Variants in DPEP1 observed in about 807,000 individuals in gnomAD.
DPEP1 encodes the protein beta-lactamase.
A neutral mutation model predicts 42.3 loss-of-function variants in DPEP1; 50 were observed. The observed-to-expected ratio is 1.18, with a 90% CI of 0.94 to 1.50. DPEP1 has a LOEUF of 1.50. Ranked by LOEUF, DPEP1 falls within the 40% of genes most tolerant of loss-of-function variation. The pLI, the probability that DPEP1 is intolerant of heterozygous loss-of-function variation, is 0.00. For synonymous variants in DPEP1, 297 were observed against 234.0 expected (o/e 1.27, Z -2.46); for missense variants, 663 against 553.0 (o/e 1.20, Z -1.99).
chr16:89,629,374 C>T (rs1267154692), intron 1 of DPEP1, among the ~76,000 whole-genome samples: 3 of 152,134 alleles, frequency 2.0e-5, no homozygotes, highest in African/African-American at 4.8e-5. Context: ...TGGTGGTGCA[C>T]GCCTGTGGTC....
At chr16:89,622,346 G>A (rs1013942835) in intron 1 of DPEP1, among the ~76,000 whole-genome samples, 18 of 152,124 alleles carry the variant, frequency 1.2e-4, no homozygotes, top group Non-Finnish European at 1.5e-4. Context: ...AACCAGAACC[G>A]GTGGAAGAAA....
chr16:89,621,634 C>T (rs1192261969), intron 1 of DPEP1, among the ~76,000 whole-genome samples: 1 of 152,348 alleles, frequency 6.6e-6, no homozygotes, highest in East Asian at 1.9e-4. Flanking sequence ...AGATGGGCCC[C>T]ACGCTGAGTG....
chr16:89,634,610 TC>T lies in DPEP1; in HGVS notation c.105-1294del, dbSNP rs772205397. ...CTTCTCCTTTCCCTTCCTTCTCCTT[TC>T]CCCTTCCTTCTCCTTTCCCTTCCTT... is the stretch of plus-strand genomic sequence containing the variant. On this transcript the variant is annotated intron_variant, in intron 2 of 10. Transcript: ENST00000690203. Among the ~76,000 whole-genome samples, 42 of 26,852 alleles carry T rather than the reference TC, an allele frequency of 1.6e-3. 1 individual carries two copies. The highest frequency in any genetic ancestry group is 6.6e-3 in the African/African-American group (38 of 5,754). 17.6% of individuals were successfully genotyped at this position (26,852 alleles called of 152,430 possible).
downstream of DPEP1, among the ~76,000 whole-genome samples, chr16:89,638,966 G>C (rs1261166946): frequency 3.4e-4 from 3 of 8,880 alleles, no homozygotes; most frequent in Non-Finnish European, 5.7e-4. Flanking sequence ...CACACACACC[G>C]CACCCCTGCA....
Position 89,631,744 on chromosome 16 carries a change from A to C in DPEP1, c.104+1230A>C, listed in dbSNP as rs867626051. 2.6e-5 allele frequency among the ~76,000 whole-genome samples: 4 copies of C among 152,202 alleles called. No individual in the cohort carries two copies. The Middle Eastern group carries it at 0.014, about 518-fold the overall frequency. ...TGGTGGCGCATGCCTGTAGTCCCAG[A>C]TACTCAGGAGGCTGAGGCAGGAGAA... On this transcript the variant is annotated intron_variant, in intron 2 of 10. Transcript: ENST00000690203.
Position 89,636,578 on chromosome 16 carries a change from G to A in DPEP1, c.416G>A (p.Gly139Asp). Reference protein sequence around the residue: ...FREGKVASLIGVEGGHSIDSS... With the variant: ...FREGKVASLIDVEGGHSIDSS... ...GAAGGGAAGGTGGCCAGCCTGATCG[G>A]CGTGGAGGGCGGCCACTCCATTGAC... The change falls in exon 5 of 11, where the codon GGC becomes GAC. Residue 139 changes from glycine (G) to aspartate (D), a missense_variant. By Grantham distance (94) the Gly-to-Asp change is moderately conservative (BLOSUM62 -1). Transcript: ENST00000690203. 1 of 1,612,470 alleles carries A rather than the reference G, an allele frequency of 6.2e-7. No individual in the cohort carries two copies. Among genetic ancestry groups the A allele is most frequent in the Admixed American group, 1.7e-5 (1 of 60,024 alleles).
At chr16:89,634,111 G>T (rs538471760) in intron 2 of DPEP1, among the ~76,000 whole-genome samples, 1 of 50,586 alleles carries the variant, frequency 2.0e-5, no homozygotes, top group Non-Finnish European at 6.0e-5. Context: ...TTTTTTTGGA[G>T]GGAGTCTCGC....
Position 89,636,652 on chromosome 16 carries a change from C to A in DPEP1, c.490C>A (p.Leu164Met). The part of the protein sequence containing the change: ...RALYQLGMRY[L>M]TLTHSCNTPW... ...ACTCTATCAGCTGGGCATGCGGTACCTGACCCTCACCCACAGCTGCAACAC... is the reference window on the plus strand; with the variant it reads ...ACTCTATCAGCTGGGCATGCGGTACATGACCCTCACCCACAGCTGCAACAC... Residue 164 changes from leucine (L) to methionine (M), a missense_variant, in exon 5 of 11, where the codon CTG (leucine) becomes ATG (methionine). Leu to Met is a conservative substitution (Grantham distance 15). Transcript: ENST00000690203. 1.2e-6 allele frequency: 2 copies of A among 1,612,574 alleles called. No homozygotes were observed. Among genetic ancestry groups the A allele is most frequent in the Non-Finnish European group, 1.7e-6 (2 of 1,179,938 alleles).
chr16:89,636,067 C>A (rs369033373), intron 3 of DPEP1, 27 bp downstream of exon 3: 1 of 1,592,512 alleles, frequency 6.3e-7, no homozygotes, highest in African/African-American at 1.3e-5. Flanking sequence ...CTTGTGCTTG[C>A]CCTGTGTGGG....
intron 1 of DPEP1, among the ~76,000 whole-genome samples, chr16:89,623,640 G>A (rs373414064): frequency 1.7e-4 from 26 of 152,092 alleles, no homozygotes; most frequent in East Asian, 1.3e-3. Flanking sequence ...ACCGCCCTCC[G>A]GAGACCAGAC....
chr16:89,639,849 C>G (rs2059730770), downstream of DPEP1, among the ~76,000 whole-genome samples: 1 of 152,150 alleles, frequency 6.6e-6, no homozygotes, highest in African/African-American at 2.4e-5. Context: ...CCACACCCAG[C>G]TAATTTTAGT....
intron 2 of DPEP1, among the ~76,000 whole-genome samples, chr16:89,635,309 G>A (rs1274200573): frequency 6.6e-6 from 1 of 151,982 alleles, no homozygotes; most frequent in African/African-American, 2.4e-5. Flanking sequence ...TCCTTTGGAA[G>A]TTTAGAAGGA....
At chr16:89,621,517 C>T (rs1234221439) in intron 1 of DPEP1, among the ~76,000 whole-genome samples, 1 of 152,210 alleles carries the variant, frequency 6.6e-6, no homozygotes, top group Non-Finnish European at 1.5e-5. Flanking sequence ...CCACCGGGGC[C>T]TCCCACGGAG....
rs2059567378 is a variant in DPEP1 at position 89,630,291 on chromosome 16, G to A, written c.-106-14G>A. On this transcript the variant is annotated splice_polypyrimidine_tract_variant and intron_variant, in intron 1 of 10. Transcript: ENST00000690203. The stretch of plus-strand genomic sequence containing the variant: ...CATCACTTCCACCCACACCTCTGGT[G>A]CCTCTCCTGGCAGGCAGAGTGGCTC... 4.3e-6 allele frequency: 3 copies of A among 698,182 alleles called. No homozygotes were observed. The highest frequency in any genetic ancestry group is 4.9e-6 in the Non-Finnish European group (2 of 405,442). The allele number at this position is 698,182 out of a possible 1,614,324, so 43.2% of individuals were successfully genotyped here. A position where few individuals can be genotyped will look rare whatever the true frequency, so the allele number is the denominator to read the frequency against.
At chr16:89,618,334 G>T (rs73263361) in intron 1 of DPEP1, among the ~76,000 whole-genome samples, 5,692 of 152,080 alleles carry the variant, frequency 0.037, 345 homozygotes, top group African/African-American at 0.13. Context: ...TTCCTGCCTC[G>T]GTCTGCTATG....
chr16:89,636,220 G>C (rs1377545406), intron 3 of DPEP1, 44 bp from the exon 4 acceptor site: 1 of 1,581,174 alleles, frequency 6.3e-7, no homozygotes, highest in South Asian at 1.1e-5. Flanking sequence ...GGGGTGGGCT[G>C]AGACCTGGCT....
In DPEP1 at chr16:89,613,986, C is replaced by G. The variant is rs1289585137; in HGVS notation, c.-107+267C>G. ...TTCCTGGGATTCTAGGAGGCTGGCA[C>G]CAGGTGTGTGGGGCAGGGGACGCGG... is the stretch of plus-strand genomic sequence containing the variant. On this transcript the variant is annotated intron_variant, in intron 1 of 10. Coordinates refer to ENST00000690203, the MANE Select transcript of DPEP1 (RefSeq NM_001389466.1). Among the ~76,000 whole-genome samples, 2 of 147,598 alleles carry G rather than the reference C, an allele frequency of 1.4e-5. 1 individual carries two copies. The highest frequency in any genetic ancestry group is 5.0e-5 in the African/African-American group (2 of 39,748).
chr16:89,640,725 T>G, downstream of DPEP1: 1 of 749,910 alleles, frequency 1.3e-6, no homozygotes, highest in Non-Finnish European at 1.6e-6. Context: ...TAGGCCTAAT[T>G]TTATTAACAG....
intron 2 of DPEP1, among the ~76,000 whole-genome samples, chr16:89,633,316 G>T (rs1215870236): frequency 6.6e-6 from 1 of 152,258 alleles, no homozygotes; most frequent in Non-Finnish European, 1.5e-5. Context: ...CGCTGACGCA[G>T]GAGCTTTGGG....
Sources: allele counts gnomAD v4.1 joint callset (sites outside exome capture counted in the v4.1 genomes callset), GRCh38; gene constraint gnomAD v4.1.1; transcripts MANE v1.5; gene names NCBI Gene and HGNC (gene_info 2026-07-23, HGNC 2026-07-21).